Variants in TSPAN15 observed in about 807,000 individuals in gnomAD.
TSPAN15 encodes the protein tetraspanin 15.
A neutral mutation model predicts 34.5 loss-of-function variants in TSPAN15; 20 were observed. That is an observed-to-expected ratio of 0.58 (90% CI 0.41 to 0.84). The LOEUF (loss-of-function observed/expected upper bound fraction) is 0.84, where lower values mean the gene tolerates loss of function less well. Among genes scored for constraint, TSPAN15 ranks in the 40% least tolerant of loss-of-function variants. TSPAN15 has a pLI of 0.00. For synonymous variants in TSPAN15, 155 were observed against 153.9 expected (o/e 1.01, Z -0.05); for missense variants, 313 against 386.1 (o/e 0.81, Z 1.59).
At chr10:69,500,797 T>G (rs1191377865) in intron 5 of TSPAN15, among the ~76,000 whole-genome samples, 1 of 152,030 alleles carries the variant, frequency 6.6e-6, no homozygotes, top group Non-Finnish European at 1.5e-5. Flanking sequence ...TGGCCAAATA[T>G]CTGGGTATCC....
the TSPAN15 span, among the ~76,000 whole-genome samples, chr10:69,539,534 A>AGAG: frequency 3.1e-4 from 20 of 63,604 alleles, 1 homozygote; most frequent in African/African-American, 1.1e-3. Context: ...AAGAAGAAGA[A>AGAG]GAAGGAGAAG....
intron 5 of TSPAN15, among the ~76,000 whole-genome samples, chr10:69,501,591 C>T (rs115780158): frequency 9.4e-4 from 143 of 152,298 alleles, no homozygotes; most frequent in African/African-American, 3.3e-3. Context: ...GAATTGTATT[C>T]TCAGATAGGA....
At chr10:69,548,322 C>T in the TSPAN15 span, among the ~76,000 whole-genome samples, 3 of 152,222 alleles carry the variant, frequency 2.0e-5, no homozygotes, top group African/African-American at 7.2e-5. Context: ...GTCCAGTCCT[C>T]ATTATTGTAC....
At chr10:69,511,501 T>C (rs908836399), downstream of TSPAN15, among the ~76,000 whole-genome samples, 2 of 152,094 alleles carry the variant, frequency 1.3e-5, no homozygotes, top group South Asian at 4.2e-4. Flanking sequence ...CGGTCTATTT[T>C]GTTAATCTTT....
At chr10:69,487,590 C>T (rs557217914) in intron 3 of TSPAN15, among the ~76,000 whole-genome samples, 10 of 152,366 alleles carry the variant, frequency 6.6e-5, no homozygotes, top group Admixed American at 4.6e-4. Flanking sequence ...TTGTGGTCAG[C>T]AGCGTCCACG....
the TSPAN15 span, among the ~76,000 whole-genome samples, chr10:69,541,380 G>A: frequency 0.19 from 29,560 of 152,068 alleles, 3,097 homozygotes; most frequent in East Asian, 0.29. Context: ...CCTACATACA[G>A]GCATTTGGTA....
intron 1 of TSPAN15, 70 bp from the exon 2 acceptor site, chr10:69,483,621 C>T: frequency 6.6e-7 from 1 of 1,515,220 alleles, no homozygotes; most frequent in African/African-American, 1.4e-5. Flanking sequence ...ACCACAGCCC[C>T]AGATGACTCT....
At chr10:69,477,537 C>G (rs760636555) in intron 1 of TSPAN15, among the ~76,000 whole-genome samples, 1 of 152,094 alleles carries the variant, frequency 6.6e-6, no homozygotes, top group Non-Finnish European at 1.5e-5. Flanking sequence ...TACCTGTGGT[C>G]GAATTTAACT....
chr10:69,542,312 A>T, the TSPAN15 span, among the ~76,000 whole-genome samples: 2 of 152,188 alleles, frequency 1.3e-5, no homozygotes, highest in Non-Finnish European at 2.9e-5. Flanking sequence ...AAAGCCATTC[A>T]ACAGGTCTCT....
At chr10:69,501,765 C>T (rs1167917229) in intron 5 of TSPAN15, among the ~76,000 whole-genome samples, 3 of 152,162 alleles carry the variant, frequency 2.0e-5, no homozygotes, top group East Asian at 1.9e-4. Context: ...GGAACCAGGT[C>T]GCACAACAGG....
At chr10:69,539,053 G>A in the TSPAN15 span, among the ~76,000 whole-genome samples, 1 of 152,136 alleles carries the variant, frequency 6.6e-6, no homozygotes, top group Non-Finnish European at 1.5e-5. Flanking sequence ...GCTCATAGAG[G>A]TCCTTGGTGA....
chr10:69,468,355 G>A (rs1299633975), intron 1 of TSPAN15, among the ~76,000 whole-genome samples: 3 of 152,282 alleles, frequency 2.0e-5, no homozygotes, highest in African/African-American at 7.2e-5. Context: ...GTGCACTGAT[G>A]TGTAGGGCAG....
the TSPAN15 span, among the ~76,000 whole-genome samples, chr10:69,543,902 T>TGTGTGTGTGTGTGTGG: frequency 1.3e-5 from 1 of 78,328 alleles, no homozygotes; most frequent in African/African-American, 4.9e-5. Context: ...TGTGTGTGTG[T>TGTGTGTGTGTGTGTGG]AGGGAGGCTC....
rs200628088 is a variant in TSPAN15 at position 69,476,581 on chromosome 10, A to T, written c.97-7110A>T. ...CAAAGGGTCTCAAAAAAAAAAAAAA[A>T]GTAACAAAAGCAGGCTGTGTCAGAG... On this transcript the variant is annotated intron_variant, in intron 1 of 7. Coordinates refer to ENST00000373290, the MANE Select transcript of TSPAN15 (RefSeq NM_012339.5). Among the ~76,000 whole-genome samples the T allele has an allele frequency of 7.3e-5, 11 of 151,286 alleles. No homozygotes were observed. The East Asian group carries it at 9.7e-4, about 13-fold the overall frequency.
intron 1 of TSPAN15, among the ~76,000 whole-genome samples, chr10:69,467,690 CAG>C (rs1841417731): frequency 6.6e-6 from 1 of 151,022 alleles, no homozygotes; most frequent in East Asian, 1.9e-4. Flanking sequence ...TCTTGGAAAA[CAG>C]AACTTGGTTG....
intron 1 of TSPAN15, among the ~76,000 whole-genome samples, chr10:69,460,056 TG>T (rs1841216089): frequency 3.4e-5 from 4 of 117,976 alleles, no homozygotes; most frequent in Non-Finnish European, 7.5e-5. Flanking sequence ...TGAGATGAGA[TG>T]AGATGAGATG....
At chr10:69,481,080 C>T (rs1296407159) in intron 1 of TSPAN15, among the ~76,000 whole-genome samples, 1 of 152,216 alleles carries the variant, frequency 6.6e-6, no homozygotes, top group Non-Finnish European at 1.5e-5. Context: ...GTGATTTCTC[C>T]ATGTTCTGGG....
chr10:69,531,961 A>C, the TSPAN15 span, among the ~76,000 whole-genome samples: 3,408 of 151,326 alleles, frequency 0.023, 133 homozygotes, highest in African/African-American at 0.076. Context: ...CAAAAAAAAA[A>C]CTTAGGAATA....
At position 69,506,222 on chromosome 10, in the gene TSPAN15, G is replaced by A. The variant is rs1842324708; in HGVS notation, c.717G>A (p.Leu239=). The change falls in exon 7 of 8, where the codon CTG becomes CTA. Residue 239 remains leucine (L), a synonymous_variant. Coordinates refer to ENST00000373290, the MANE Select transcript of TSPAN15 (RefSeq NM_012339.5). The surrounding 1 kb of genome is among the most constrained non-coding windows in gnomAD (Gnocchi z 4.7). ...DNYTIMAGIL[L]GILLPQFLGV... ...ACACCATCATGGCGGGCATCCTCCTGGGCATCCTGCTTCCCCAGGTGGGCA... is the reference window on the plus strand; with the variant it reads ...ACACCATCATGGCGGGCATCCTCCTAGGCATCCTGCTTCCCCAGGTGGGCA... 4.3e-6 allele frequency: 7 copies of A among 1,614,198 alleles called. No individual in the cohort carries two copies. The highest frequency in any genetic ancestry group is 2.2e-5 in the South Asian group (2 of 91,078).
Sources: gnomAD v4.1 joint callset for allele counts (sites outside exome capture counted in the v4.1 genomes callset) on GRCh38, gnomAD v4.1.1 for gene constraint, Gnocchi (gnomAD v3.1) non-coding constraint, MANE v1.5 for transcripts, NCBI Gene and HGNC (gene_info 2026-07-23, HGNC 2026-07-21) for gene names.